Variants in ABCA13 observed in about 807,000 individuals in gnomAD.
ABCA13 encodes the protein ATP binding cassette subfamily A member 13.
A neutral mutation model predicts 478.7 loss-of-function variants in ABCA13; 476 were observed. The observed-to-expected ratio is 0.99, with a 90% CI of 0.92 to 1.07. ABCA13 has a LOEUF of 1.07. ABCA13 is among the 50% of genes least tolerant of loss of function. The probability of loss-of-function intolerance (pLI) is 0.00; values close to 1 mark genes in which losing one functional copy is unlikely to be tolerated. For synonymous variants in ABCA13, 2,252 were observed against 2,158.9 expected, an observed-to-expected ratio of 1.04 and a Z score of -1.20; for missense variants, 6,060 against 5,910.6, an observed-to-expected ratio of 1.03 and a Z score of -0.83.
At chr7:48,425,769 G>T (rs1442402149) in intron 41 of ABCA13, among the ~76,000 whole-genome samples, 1 of 145,366 alleles carries the variant, frequency 6.9e-6, no homozygotes, top group Non-Finnish European at 1.6e-5. Flanking sequence ...TCGAGATGGA[G>T]TCTCGCTGTC....
chr7:48,268,505 C>T (rs1413460442), intron 15 of ABCA13, among the ~76,000 whole-genome samples: 20 of 152,186 alleles, frequency 1.3e-4, no homozygotes, highest in Non-Finnish European at 2.6e-4. Context: ...CAGGTAGTTT[C>T]CTCAAATGCC....
At chr7:48,285,605 G>A (rs1302675950) in intron 19 of ABCA13, among the ~76,000 whole-genome samples, 1 of 152,170 alleles carries the variant, frequency 6.6e-6, no homozygotes, top group African/African-American at 2.4e-5. Context: ...GGTCACTGTC[G>A]ACTCCACGTT....
intron 42 of ABCA13, among the ~76,000 whole-genome samples, chr7:48,451,391 G>A (rs1175317639): frequency 6.6e-6 from 1 of 151,894 alleles, no homozygotes; most frequent in Non-Finnish European, 1.5e-5. Flanking sequence ...CAGATCAAAG[G>A]CGATCTGTAT....
intron 43 of ABCA13, among the ~76,000 whole-genome samples, chr7:48,461,477 G>T (rs1826236754): frequency 6.6e-6 from 1 of 152,172 alleles, no homozygotes; most frequent in South Asian, 2.1e-4. Context: ...AAAACAGATG[G>T]TAAATGAAAT....
intron 3 of ABCA13, among the ~76,000 whole-genome samples, chr7:48,213,048 A>C (rs1217931353): frequency 6.6e-6 from 1 of 152,026 alleles, no homozygotes; most frequent in African/African-American, 2.4e-5. Flanking sequence ...ATGTTTAATA[A>C]TTTTAGCTTT....
chr7:48,595,966 G>C (rs1340511146), intron 58 of ABCA13, among the ~76,000 whole-genome samples: 1 of 152,190 alleles, frequency 6.6e-6, no homozygotes, highest in Non-Finnish European at 1.5e-5. Flanking sequence ...GTTACCAGGA[G>C]TGAAATATAA....
intron 50 of ABCA13, among the ~76,000 whole-genome samples, chr7:48,508,390 A>T (rs765266429): frequency 2.0e-5 from 3 of 152,138 alleles, no homozygotes; most frequent in African/African-American, 7.2e-5. Flanking sequence ...ATTAGAAATG[A>T]TCTTTCATCT....
chr7:48,280,394 C>T (rs1348730220), intron 18 of ABCA13, among the ~76,000 whole-genome samples: 5 of 152,146 alleles, frequency 3.3e-5, no homozygotes, highest in Non-Finnish European at 5.9e-5. Context: ...CCAGACTTCA[C>T]GTGGTTGATC....
chr7:48,601,408 G>A (rs971674581), intron 58 of ABCA13, among the ~76,000 whole-genome samples: 3 of 152,064 alleles, frequency 2.0e-5, no homozygotes, highest in Admixed American at 2.0e-4. Flanking sequence ...GCCCCGGTGT[G>A]TGATGCTCTC....
intron 42 of ABCA13, among the ~76,000 whole-genome samples, chr7:48,441,908 T>C (rs1262169824): frequency 6.6e-6 from 1 of 152,176 alleles, no homozygotes; most frequent in East Asian, 1.9e-4. Flanking sequence ...AACTGTGCGA[T>C]GAGTAACAAC....
chr7:48,250,446 C>T (rs756801585), intron 15 of ABCA13, among the ~76,000 whole-genome samples: 10 of 152,166 alleles, frequency 6.6e-5, no homozygotes, highest in Non-Finnish European at 1.2e-4. Flanking sequence ...AGGGTTGGTT[C>T]CCCTGACAAT....
intron 55 of ABCA13, among the ~76,000 whole-genome samples, chr7:48,564,664 A>G (rs1237269595): frequency 6.6e-6 from 1 of 151,834 alleles, no homozygotes; most frequent in Non-Finnish European, 1.5e-5. Flanking sequence ...TTCTTTATAT[A>G]AAAATTTCTT....
intron 3 of ABCA13, among the ~76,000 whole-genome samples, chr7:48,202,187 T>A (rs143353985): frequency 6.6e-6 from 1 of 152,126 alleles, no homozygotes; most frequent in Non-Finnish European, 1.5e-5. Context: ...GGCTTGCCGC[T>A]GCTGGCTAGG....
At chr7:48,252,602 G>A (rs572690440) in intron 15 of ABCA13, among the ~76,000 whole-genome samples, 1 of 152,228 alleles carries the variant, frequency 6.6e-6, no homozygotes, top group Non-Finnish European at 1.5e-5. Context: ...AAAAATATAC[G>A]ATTATAATCT....
chr7:48,369,884 TG>T lies in ABCA13; in HGVS notation c.10803+1978del, dbSNP rs1329837737. ...TGCTTTGACTGTGTGGGTTATTTTT[TG>T]GTTCCATATGAATTTTAGGATTTTT... On this transcript the variant is annotated intron_variant, in intron 32 of 61. Coordinates refer to ENST00000435803, the MANE Select transcript of ABCA13 (RefSeq NM_152701.5). 2.0e-5 allele frequency among the ~76,000 whole-genome samples: 3 copies of T among 152,216 alleles called. No individual in the cohort carries two copies. In the East Asian group the frequency reaches 5.8e-4, roughly 29 times the overall value.
Position 48,276,547 on chromosome 7 carries a change from A to T in ABCA13, c.6881A>T (p.Asp2294Val). 1 of 1,611,638 alleles carries T rather than the reference A, an allele frequency of 6.2e-7. No homozygotes were observed. The highest frequency in any genetic ancestry group is 1.3e-5 in the African/African-American group (1 of 74,992). ...CTTCTGCTGAAATATTTCCACAAAG[A>T]TGTTATTGCAGAGATGAGGTGAGTA... ...ISLLLKYFHKDVIAEMSFVPK... is the reference protein window; with the variant it reads ...ISLLLKYFHKVVIAEMSFVPK... The change falls in exon 17 of 62, where the codon GAT becomes GTT. Residue 2294 changes from aspartate to valine, a missense_variant. Asp to Val is a radical substitution (Grantham distance 152). Around this residue, in one of 3 missense-constraint regions of ABCA13, gnomAD observed 4,423 missense variants for 4,309.1 expected, o/e 1.03. Coordinates refer to ENST00000435803, the MANE Select transcript of ABCA13 (RefSeq NM_152701.5).
At position 48,334,128 on chromosome 7, in the gene ABCA13, T is replaced by A. The variant is rs541423259; in HGVS notation, c.10000-1294T>A. 2.6e-5 allele frequency among the ~76,000 whole-genome samples: 4 copies of A among 152,134 alleles called. No homozygotes were observed. The South Asian group carries it at 8.3e-4, about 32-fold the overall frequency. Reference sequence around the variant, plus strand: ...CTGGGGATTTTAATGTGTGTGTACGTGTGTGTGTGTATTCTCTATTTGCAG... The same window carrying A: ...CTGGGGATTTTAATGTGTGTGTACGAGTGTGTGTGTATTCTCTATTTGCAG... On this transcript the variant is annotated intron_variant, in intron 27 of 61. Coordinates refer to ENST00000435803, the MANE Select transcript of ABCA13 (RefSeq NM_152701.5).
chr7:48,315,803 C>T (rs1450929082), intron 26 of ABCA13, among the ~76,000 whole-genome samples: 1 of 152,098 alleles, frequency 6.6e-6, no homozygotes, highest in East Asian at 1.9e-4. Flanking sequence ...TTCATTTATA[C>T]TTTGGGGAAA....
chr7:48,366,411 C>G lies in ABCA13; in HGVS notation c.10689-1383C>G, dbSNP rs1405013889. 2.6e-5 allele frequency among the ~76,000 whole-genome samples: 4 copies of G among 152,024 alleles called. No homozygotes were observed. In the East Asian group the frequency reaches 7.7e-4, roughly 29 times the overall value. On this transcript the variant is annotated intron_variant, in intron 31 of 61. Coordinates refer to ENST00000435803, the MANE Select transcript of ABCA13 (RefSeq NM_152701.5). ...TTGGTTAAGCTAGTTCTTTTTTACT[C>G]ATAGCATTTATCACTACCTGATATT...
Sources: allele counts gnomAD v4.1 joint callset (sites outside exome capture counted in the v4.1 genomes callset), GRCh38; gene constraint gnomAD v4.1.1; regional missense constraint gnomAD v4.1.1; transcripts MANE v1.5; gene names NCBI Gene and HGNC (gene_info 2026-07-23, HGNC 2026-07-21).